MIPOL1: variants seen among roughly 807,000 people sequenced by gnomAD.
The protein encoded by MIPOL1 is mirror-image polydactyly gene 1 protein.
A neutral mutation model predicts 60.9 loss-of-function variants in MIPOL1; 57 were observed. The ratio of observed to expected loss-of-function variants is 0.94; its 90% confidence interval spans 0.76 to 1.17. The LOEUF is 1.17. MIPOL1 is among the 50% of genes most tolerant of loss of function. The pLI, the probability that MIPOL1 is intolerant of heterozygous loss-of-function variation, is 0.00. For synonymous variants in MIPOL1, 179 were observed against 168.8 expected, an observed-to-expected ratio of 1.06 and a Z score of -0.47; for missense variants, 551 against 511.6, an observed-to-expected ratio of 1.08 and a Z score of -0.74.
At chr14:37,299,309 G>A (rs1404104824) in intron 7 of MIPOL1, among the ~76,000 whole-genome samples, 3 of 151,940 alleles carry the variant, frequency 2.0e-5, no homozygotes, top group African/African-American at 4.8e-5. Context: ...AGAGGGGGGC[G>A]GGATAGCATT....
chr14:37,243,177 T>C (rs1026503406), intron 1 of MIPOL1, among the ~76,000 whole-genome samples: 17 of 152,196 alleles, frequency 1.1e-4, no homozygotes, highest in Non-Finnish European at 2.2e-4. Flanking sequence ...AATATATGCC[T>C]TTTAAATTTG....
intron 12 of MIPOL1, among the ~76,000 whole-genome samples, chr14:37,546,583 T>A (rs1028579818): frequency 6.6e-6 from 1 of 152,210 alleles, no homozygotes; most frequent in African/African-American, 2.4e-5. Context: ...TATGTGATCC[T>A]GTCATTGCAT....
At chr14:37,320,699 C>A (rs1296775149) in intron 9 of MIPOL1, among the ~76,000 whole-genome samples, 1 of 151,978 alleles carries the variant, frequency 6.6e-6, no homozygotes, top group East Asian at 1.9e-4. Context: ...TGAACATGTT[C>A]TACTGTGCTT....
At chr14:37,241,135 G>A (rs368674214) in intron 1 of MIPOL1, among the ~76,000 whole-genome samples, 35 of 152,208 alleles carry the variant, frequency 2.3e-4, no homozygotes, top group East Asian at 1.7e-3. Flanking sequence ...AACGACTACT[G>A]AGCTTGAGCC....
intron 12 of MIPOL1, among the ~76,000 whole-genome samples, chr14:37,517,474 A>G (rs951975586): frequency 1.3e-5 from 2 of 152,162 alleles, no homozygotes; most frequent in Admixed American, 6.5e-5. Context: ...TAAAACCCCT[A>G]TGGAGGAGAA....
chr14:37,275,926 G>A (rs2083625995), intron 6 of MIPOL1, among the ~76,000 whole-genome samples: 1 of 151,052 alleles, frequency 6.6e-6, no homozygotes. Context: ...AATGCTGTTT[G>A]ACTTTTGCAG....
rs112313042 is a variant in MIPOL1, at chr14:37,455,604, G to A, written c.1031+32655G>A. ...CATGCTGCCTCATGCTTTTTTTCAGGAACTGTTCTCTTGTAAATAACTTAC... is the reference window on the plus strand; with the variant it reads ...CATGCTGCCTCATGCTTTTTTTCAGAAACTGTTCTCTTGTAAATAACTTAC... On this transcript the variant is annotated intron_variant, in intron 11 of 12. Coordinates refer to ENST00000684589, the MANE Select transcript of MIPOL1 (RefSeq NM_001388067.1). 2.3e-3 allele frequency among the ~76,000 whole-genome samples: 349 copies of A among 151,888 alleles called. 3 individuals are homozygous for A. Among genetic ancestry groups the A allele is most frequent in the African/African-American group, 7.8e-3 (323 of 41,426 alleles).
intron 11 of MIPOL1, among the ~76,000 whole-genome samples, chr14:37,430,105 ACTAT>A (rs2094034195): frequency 6.6e-6 from 1 of 152,080 alleles, no homozygotes; most frequent in Non-Finnish European, 1.5e-5. Context: ...CTAATAATTA[ACTAT>A]CTATGGAGCT....
At chr14:37,516,034 C>T (rs1247194497) in intron 12 of MIPOL1, among the ~76,000 whole-genome samples, 1 of 152,176 alleles carries the variant, frequency 6.6e-6, no homozygotes, top group Non-Finnish European at 1.5e-5. Context: ...CTGGAAGAAT[C>T]AAACTTGGCA....
At chr14:37,304,661 G>A (rs1345603882) in intron 7 of MIPOL1, among the ~76,000 whole-genome samples, 3 of 151,734 alleles carry the variant, frequency 2.0e-5, no homozygotes, top group African/African-American at 7.2e-5. Context: ...CAAGGTGAAC[G>A]ACTGTAGTTT....
rs2087297436 is a variant in MIPOL1, at chr14:37,311,299, CTAAAA to C, written c.828+2784_828+2788del. Among the ~76,000 whole-genome samples the C allele has an allele frequency of 2.0e-5, 3 of 152,266 alleles. No individual in the cohort carries two copies. The South Asian group carries it at 6.2e-4, about 32-fold the overall frequency. On this transcript the variant is annotated intron_variant, in intron 9 of 12. Transcript: ENST00000684589. ...CTGTCTAGACATGGAAGTAAGTTAA[CTAAAA>C]TAAGCACATAGAGCATAATTAAATT...
At chr14:37,458,748 C>T (rs370648292) in intron 11 of MIPOL1, among the ~76,000 whole-genome samples, 20 of 151,780 alleles carry the variant, frequency 1.3e-4, no homozygotes, top group South Asian at 1.0e-3. Context: ...CTACTTAGGA[C>T]GCTGAGGCAG....
intron 6 of MIPOL1, among the ~76,000 whole-genome samples, chr14:37,273,139 A>G (rs985838325): frequency 6.6e-6 from 1 of 151,246 alleles, no homozygotes; most frequent in African/African-American, 2.4e-5. Context: ...AATTAAGAAT[A>G]TTTGAGGATA....
chr14:37,358,192 G>C (rs1264561807), intron 9 of MIPOL1, among the ~76,000 whole-genome samples: 1 of 152,114 alleles, frequency 6.6e-6, no homozygotes, highest in Non-Finnish European at 1.5e-5. Context: ...TGGCTGCATA[G>C]TATTCCATGG....
Position 37,308,065 on chromosome 14 carries a change from T to C in MIPOL1, c.633T>C (p.Asn211=). Residue 211 remains asparagine, a synonymous_variant, in exon 8 of 13, where the codon AAT becomes AAC. Coordinates refer to ENST00000684589, the MANE Select transcript of MIPOL1 (RefSeq NM_001388067.1). ...TGTCCCTTTTTTCTAGGCTAGAAAA[T>C]ATTAACCCTGAAGAAAATGACATGG... The part of the protein sequence containing the change: ...HMEMSLKVLE[N]INPEENDMTL... 2 of 1,611,156 alleles carry C rather than the reference T, an allele frequency of 1.2e-6. No individual in the cohort carries two copies. Among genetic ancestry groups the C allele is most frequent in the South Asian group, 2.2e-5 (2 of 90,838 alleles).
At chr14:37,243,811 G>T (rs1972722754) in intron 1 of MIPOL1, among the ~76,000 whole-genome samples, 1 of 152,064 alleles carries the variant, frequency 6.6e-6, no homozygotes, top group Non-Finnish European at 1.5e-5. Context: ...AATTTTAAAG[G>T]GTAAATGTCA....
chr14:37,333,779 T>C (rs894195215), intron 9 of MIPOL1, among the ~76,000 whole-genome samples: 13 of 152,048 alleles, frequency 8.5e-5, no homozygotes, highest in Admixed American at 2.6e-4. Context: ...GCAATCATTA[T>C]TGGAGGTATC....
chr14:37,285,782 T>C (rs1200765847), intron 7 of MIPOL1, among the ~76,000 whole-genome samples: 3 of 151,792 alleles, frequency 2.0e-5, no homozygotes, highest in Non-Finnish European at 1.5e-5. Context: ...TTAGTAGAGA[T>C]GGGGTTTCAC....
At chr14:37,227,023 G>C (rs1969860208) in intron 1 of MIPOL1, among the ~76,000 whole-genome samples, 1 of 152,172 alleles carries the variant, frequency 6.6e-6, no homozygotes, top group Non-Finnish European at 1.5e-5. Context: ...ATGAGGTGCT[G>C]TGAGAGCTAG....
Sources: allele counts gnomAD v4.1 joint callset (sites outside exome capture counted in the v4.1 genomes callset), GRCh38; gene constraint gnomAD v4.1.1; transcripts MANE v1.5; gene names NCBI Gene and HGNC (gene_info 2026-07-23, HGNC 2026-07-21).